Variants in TGFB2 observed in about 807,000 individuals in gnomAD.
TGFB2 encodes transforming growth factor beta 2.
TGFB2 carries 13 observed loss-of-function variants against 42.7 expected under a neutral mutation model. The observed-to-expected ratio is 0.30, with a 90% CI of 0.20 to 0.48. The LOEUF (loss-of-function observed/expected upper bound fraction) is 0.48, where lower values mean the gene tolerates loss of function less well. Ranked by LOEUF, TGFB2 falls within the 20% of genes least tolerant of loss-of-function variation. TGFB2 has a pLI of 0.99. For missense variants in TGFB2, 390 were observed against 517.5 expected, an observed-to-expected ratio of 0.75 and a Z score of 2.39; for synonymous variants, 193 against 193.6, an observed-to-expected ratio of 1.00 and a Z score of 0.03.
intron 6 of TGFB2, among the ~76,000 whole-genome samples, chr1:218,438,351 T>C (rs1660040261): frequency 2.0e-5 from 3 of 152,172 alleles, no homozygotes; most frequent in Admixed American, 1.3e-4. Context: ...AGAAAGAACA[T>C]TGGGGATTTC....
intron 6 of TGFB2, among the ~76,000 whole-genome samples, chr1:218,440,068 C>T (rs1660102830): frequency 6.6e-6 from 1 of 152,172 alleles, no homozygotes; most frequent in Admixed American, 6.5e-5. Context: ...GTAAAAGTCT[C>T]ACACCCCTCT....
intron 2 of TGFB2, among the ~76,000 whole-genome samples, chr1:218,431,447 T>G (rs575838526): frequency 2.0e-5 from 3 of 152,340 alleles, no homozygotes; most frequent in South Asian, 2.1e-4. Flanking sequence ...ATGGCCATAA[T>G]TTTTAAAAAT....
At chr1:218,354,619 G>A (rs1656974196) in intron 1 of TGFB2, among the ~76,000 whole-genome samples, 3 of 152,172 alleles carry the variant, frequency 2.0e-5, no homozygotes, top group Admixed American at 2.0e-4. Flanking sequence ...TTAGTGATGT[G>A]TTATGGAAAT....
intron 1 of TGFB2, among the ~76,000 whole-genome samples, chr1:218,389,490 C>T (rs1658252550): frequency 6.6e-6 from 1 of 152,326 alleles, no homozygotes; most frequent in Non-Finnish European, 1.5e-5. Flanking sequence ...GATCTCTAAT[C>T]CAGTGCTACA....
chr1:218,413,120 C>T (rs535354528), intron 2 of TGFB2, among the ~76,000 whole-genome samples: 1 of 152,260 alleles, frequency 6.6e-6, no homozygotes, highest in Non-Finnish European at 1.5e-5. Flanking sequence ...ACCTATAATC[C>T]CAGCACTTTG....
chr1:218,406,187 C>T (rs1197999520), intron 2 of TGFB2, among the ~76,000 whole-genome samples: 1 of 131,218 alleles, frequency 7.6e-6, no homozygotes, highest in African/African-American at 3.3e-5. Context: ...AGTCTACCCA[C>T]TCAATACACA....
At chr1:218,365,957 G>A (rs17173695) in intron 1 of TGFB2, among the ~76,000 whole-genome samples, 3,152 of 152,276 alleles carry the variant, frequency 0.021, 97 homozygotes, top group African/African-American at 0.07. Context: ...TGATAACGAC[G>A]TGTTCTGACA....
intron 1 of TGFB2, among the ~76,000 whole-genome samples, chr1:218,401,513 A>G (rs1571871866): frequency 6.6e-6 from 1 of 152,150 alleles, no homozygotes; most frequent in Admixed American, 6.5e-5. Flanking sequence ...TGAAATCCAA[A>G]GGGTTGAAGG....
rs1477872870 is a variant in TGFB2, at chr1:218,346,645, ATTTCT to A, written c.-53_-49del. Reference sequence around the variant, plus strand: ...TTGATCTATACTTTGAGAATTGTTGATTTCTTTTTTTTATTCTGACTTTTAAAAAC... The same window carrying A: ...TTGATCTATACTTTGAGAATTGTTGATTTTTTTATTCTGACTTTTAAAAAC... On this transcript the variant is annotated 5_prime_UTR_variant, in exon 1 of 7. Transcript: ENST00000366930. This position sits in a 1 kb window ranked among gnomAD's most constrained non-coding sequence, Gnocchi z 4.9. 3.8e-5 allele frequency: 56 copies of A among 1,460,360 alleles called. No individual in the cohort carries two copies. Among genetic ancestry groups the A allele is most frequent in the Non-Finnish European group, 5.0e-5 (54 of 1,074,752 alleles). The allele number at this position is 1,460,360 out of a possible 1,614,324, so 90.5% of individuals were successfully genotyped here. A position where few individuals can be genotyped will look rare whatever the true frequency, so the allele number is the denominator to read the frequency against.
intron 1 of TGFB2, among the ~76,000 whole-genome samples, chr1:218,362,774 G>A (rs147370765): frequency 2.7e-4 from 41 of 152,318 alleles, no homozygotes; most frequent in African/African-American, 6.3e-4. Flanking sequence ...TGGAAGATGC[G>A]TTTAGTCCAT....
At chr1:218,410,842 A>G (rs544541263) in intron 2 of TGFB2, among the ~76,000 whole-genome samples, 5 of 152,264 alleles carry the variant, frequency 3.3e-5, no homozygotes, top group Admixed American at 3.3e-4. Flanking sequence ...TATGATTAAA[A>G]TCATGACCAG....
chr1:218,382,412 T>C (rs1657995300), intron 1 of TGFB2, among the ~76,000 whole-genome samples: 1 of 152,090 alleles, frequency 6.6e-6, no homozygotes, highest in East Asian at 1.9e-4. Flanking sequence ...GTGCTGTCAG[T>C]GGAAGAACAG....
intron 2 of TGFB2, among the ~76,000 whole-genome samples, chr1:218,406,715 A>G (rs1658924236): frequency 2.0e-5 from 3 of 152,154 alleles, no homozygotes; most frequent in Non-Finnish European, 4.4e-5. Context: ...CAGGCACTGC[A>G]AAGACAGTCT....
chr1:218,378,818 T>C (rs887278751), intron 1 of TGFB2, among the ~76,000 whole-genome samples: 5 of 151,578 alleles, frequency 3.3e-5, no homozygotes, highest in Admixed American at 2.0e-4. Flanking sequence ...ACAATATGCA[T>C]TGTGAGTGCA....
chr1:218,377,958 GTGTTTGTT>G (rs67890412), intron 1 of TGFB2, among the ~76,000 whole-genome samples: 4,832 of 149,252 alleles, frequency 0.032, 276 homozygotes, highest in African/African-American at 0.12. Flanking sequence ...ATATTATAGT[GTGTTTGTT>G]TGTTTGTTTG....
In TGFB2 at chr1:218,437,396, A is replaced by C; in HGVS notation, c.986A>C (p.Asp329Ala). The C allele has an allele frequency of 6.2e-7, 1 of 1,610,382 alleles. No individual in the cohort carries two copies. Among genetic ancestry groups the C allele is most frequent in the Non-Finnish European group, 8.5e-7 (1 of 1,179,416 alleles). ...LRPLYIDFKR[D>A]LGWKWIHEPK... ...CCACTTTACATTGATTTCAAGAGGGATCTAGGGTGGAAATGGATACACGAA... is the reference window on the plus strand; with the variant it reads ...CCACTTTACATTGATTTCAAGAGGGCTCTAGGGTGGAAATGGATACACGAA... Residue 329 changes from aspartate (D) to alanine (A), a missense_variant, in exon 6 of 7, where the codon GAT becomes GCT. By Grantham distance (126) the Asp-to-Ala change is moderately radical. Transcript: ENST00000366930.
intron 1 of TGFB2, among the ~76,000 whole-genome samples, chr1:218,397,297 C>A (rs867266305): frequency 6.7e-6 from 1 of 149,150 alleles, no homozygotes; most frequent in African/African-American, 2.5e-5. Context: ...GGCGCGGTGG[C>A]TTATGCCTGT....
In TGFB2 at chr1:218,434,223, CCA is replaced by C; in HGVS notation, c.643+11_643+12del. The C allele has an allele frequency of 6.2e-7, 1 of 1,613,208 alleles. No homozygotes were observed. The highest frequency in any genetic ancestry group is 8.5e-7 in the Non-Finnish European group (1 of 1,179,244). On this transcript the variant is annotated intron_variant, in intron 3 of 6. Transcript: ENST00000366930. ...ATGGCTTCACCATAAAGGTTACAAG[CCA>C]CTCTCTCTTTTCCTCCCAAGATGTT...
At position 218,442,290 on chromosome 1, in the gene TGFB2, T is replaced by C. The variant is rs528835468; in HGVS notation, c.*928T>C. 6 of 152,276 alleles carry C rather than the reference T, an allele frequency of 3.9e-5. No individual in the cohort carries two copies. In the South Asian group the frequency reaches 1.2e-3, roughly 32 times the overall value. The allele number at this position is 152,276 out of a possible 1,614,324, so 9.4% of individuals were successfully genotyped here. The stretch of plus-strand genomic sequence containing the variant: ...TAGCTATGCTATAGGTTTTTTCCTT[T>C]GTTTTGGTATATGTAACCATACCTA... On this transcript the variant is annotated 3_prime_UTR_variant, in exon 7 of 7. Coordinates refer to ENST00000366930, the MANE Select transcript of TGFB2 (RefSeq NM_003238.6).
Sources: allele counts gnomAD v4.1 joint callset (sites outside exome capture counted in the v4.1 genomes callset), GRCh38; gene constraint gnomAD v4.1.1; non-coding constraint Gnocchi (gnomAD v3.1); transcripts MANE v1.5; gene names NCBI Gene and HGNC (gene_info 2026-07-23, HGNC 2026-07-21).